MAF: variants seen among roughly 807,000 people sequenced by gnomAD.
The protein encoded by MAF is MAF bZIP transcription factor, also known as transcription factor Maf.
Under a neutral mutation model 22.0 loss-of-function variants are expected in MAF, and 10 were observed. The observed-to-expected ratio is 0.45, with a 90% CI of 0.28 to 0.77. MAF has a LOEUF of 0.77. MAF is among the 30% of genes least tolerant of loss of function. The pLI is 0.12. For synonymous variants in MAF, 337 were observed against 255.8 expected (o/e 1.32, Z -3.03); for missense variants, 544 against 548.4 (o/e 0.99, Z 0.08).
At chr16:79,268,985 C>T in the MAF span, among the ~76,000 whole-genome samples, 2 of 152,236 alleles carry the variant, frequency 1.3e-5, no homozygotes, top group Non-Finnish European at 2.9e-5. Context: ...AAAAGCTCCT[C>T]AGCTGTGGCT....
the MAF span, among the ~76,000 whole-genome samples, chr16:79,468,927 C>T: frequency 3.9e-4 from 59 of 152,220 alleles, no homozygotes; most frequent in Admixed American, 1.2e-3. Context: ...TTCAATCAAT[C>T]GTGGGCTCAC....
chr16:79,507,159 G>A, the MAF span, among the ~76,000 whole-genome samples: 6 of 148,384 alleles, frequency 4.0e-5, no homozygotes, highest in Admixed American at 6.7e-5. Flanking sequence ...TCTCGCCCAG[G>A]CTGGAGTGCA....
chr16:79,249,290 A>G, the MAF span, among the ~76,000 whole-genome samples: 2 of 152,082 alleles, frequency 1.3e-5, no homozygotes, highest in African/African-American at 4.8e-5. Flanking sequence ...GTGGTGGTGC[A>G]TGCCTGTTAT....
chr16:79,495,307 T>C, the MAF span, among the ~76,000 whole-genome samples: 1 of 151,842 alleles, frequency 6.6e-6, no homozygotes, highest in Non-Finnish European at 1.5e-5. Flanking sequence ...AAAAAAACAT[T>C]TTTTTTTAAA....
the MAF span, among the ~76,000 whole-genome samples, chr16:79,305,312 C>G: frequency 6.6e-6 from 1 of 152,208 alleles, no homozygotes; most frequent in South Asian, 2.1e-4. Context: ...TACCGACCCG[C>G]CTGTGCTCTG....
the MAF span, among the ~76,000 whole-genome samples, chr16:79,270,015 G>A: frequency 1.3e-5 from 2 of 152,068 alleles, no homozygotes; most frequent in African/African-American, 4.8e-5. Flanking sequence ...AGCTCTGAAG[G>A]GCTTATGGGT....
the MAF span, among the ~76,000 whole-genome samples, chr16:79,315,118 A>G: frequency 6.6e-6 from 1 of 152,132 alleles, no homozygotes; most frequent in African/African-American, 2.4e-5. Flanking sequence ...CATTCATTCA[A>G]TTATTGAGCA....
the MAF span, among the ~76,000 whole-genome samples, chr16:79,480,133 A>G: frequency 2.6e-5 from 4 of 152,084 alleles, no homozygotes; most frequent in South Asian, 2.1e-4. Flanking sequence ...GGTCTGGCTG[A>G]GATACCACCT....
At chr16:79,416,405 A>T in the MAF span, among the ~76,000 whole-genome samples, 1 of 152,044 alleles carries the variant, frequency 6.6e-6, no homozygotes, top group South Asian at 2.1e-4. Context: ...TTACTCTTAC[A>T]AACTCTTCGA....
At chr16:79,579,144 G>C in the MAF span, among the ~76,000 whole-genome samples, 1 of 152,196 alleles carries the variant, frequency 6.6e-6, no homozygotes, top group African/African-American at 2.4e-5. Flanking sequence ...CTTACAGACA[G>C]AGAATTCTAG....
chr16:79,535,259 G>C, the MAF span, among the ~76,000 whole-genome samples: 5 of 151,992 alleles, frequency 3.3e-5, no homozygotes, highest in Non-Finnish European at 7.4e-5. Flanking sequence ...GAGTTACTCA[G>C]AGACTGGCTG....
chr16:79,261,785 A>G, the MAF span, among the ~76,000 whole-genome samples: 2 of 152,330 alleles, frequency 1.3e-5, no homozygotes, highest in South Asian at 2.1e-4. Flanking sequence ...GCCTGGCCTC[A>G]AAGACAATTT....
the MAF span, among the ~76,000 whole-genome samples, chr16:79,442,542 T>C: frequency 2.0e-5 from 3 of 151,964 alleles, no homozygotes; most frequent in African/African-American, 7.2e-5. Context: ...TGGCTGAATA[T>C]TCCTTTTTTA....
the MAF span, among the ~76,000 whole-genome samples, chr16:79,499,731 G>A: frequency 6.6e-6 from 1 of 152,126 alleles, no homozygotes; most frequent in Non-Finnish European, 1.5e-5. Context: ...AGATTTCCCA[G>A]CTCCAGAACT....
the MAF span, among the ~76,000 whole-genome samples, chr16:79,242,240 C>CT: frequency 6.6e-6 from 1 of 151,636 alleles, no homozygotes; most frequent in Non-Finnish European, 1.5e-5. Context: ...AAGACACAGG[C>CT]TGGCAAATTG....
chr16:79,408,973 G>A, the MAF span, among the ~76,000 whole-genome samples: 2 of 132,044 alleles, frequency 1.5e-5, no homozygotes, highest in Admixed American at 1.6e-4. Context: ...TTTAAATTAG[G>A]ATTGCACATA....
At chr16:79,546,944 G>C in the MAF span, among the ~76,000 whole-genome samples, 44,041 of 152,042 alleles carry the variant, frequency 0.29, 7,159 homozygotes, top group East Asian at 0.46. Flanking sequence ...CCAAATATTA[G>C]GATATACTAT....
At chr16:79,502,708 A>AATATAAATATAAATATATATATAT in the MAF span, among the ~76,000 whole-genome samples, 2 of 34,002 alleles carry the variant, frequency 5.9e-5, no homozygotes, top group Non-Finnish European at 1.1e-4. Context: ...TATAAATATA[A>AATATAAATATAAATATATATATAT]ATATATATAT....
the MAF span, among the ~76,000 whole-genome samples, chr16:79,325,340 G>T: frequency 1.3e-5 from 2 of 152,300 alleles, no homozygotes; most frequent in African/African-American, 4.8e-5. Flanking sequence ...CCAGCTGGCA[G>T]ATGCTCTGCT....
Sources: gnomAD v4.1 joint callset for allele counts (sites outside exome capture counted in the v4.1 genomes callset) on GRCh38, gnomAD v4.1.1 for gene constraint, MANE v1.5 for transcripts, NCBI Gene and HGNC (gene_info 2026-07-23, HGNC 2026-07-21) for gene names.